BARD1: variants seen among roughly 807,000 people sequenced by gnomAD.
BARD1 encodes BRCA1-associated RING domain protein 1.
In BARD1, 73 loss-of-function variants were observed where a neutral mutation model predicts 77.0. The ratio of observed to expected loss-of-function variants is 0.95; its 90% confidence interval spans 0.79 to 1.15. The LOEUF (loss-of-function observed/expected upper bound fraction) is 1.15, where lower values mean the gene tolerates loss of function less well. Among genes scored for constraint, BARD1 ranks in the 50% most tolerant of loss-of-function variants. BARD1 has a pLI of 0.00. For synonymous variants in BARD1, 384 were observed against 338.0 expected, an observed-to-expected ratio of 1.14 and a Z score of -1.49; for missense variants, 993 against 938.8, an observed-to-expected ratio of 1.06 and a Z score of -0.75.
intron 10 of BARD1, chr2:214,730,140 A>C: frequency 2.1e-6 from 1 of 466,998 alleles, no homozygotes; most frequent in South Asian, 2.2e-5. Context: ...TCTTCTTTCA[A>C]GCTACTTCCT....
Position 214,808,700 on chromosome 2 carries a change from CAAGAAGT to C in BARD1, c.158+705_158+711del, listed in dbSNP as rs546213564. Among the ~76,000 whole-genome samples, 154 of 151,652 alleles carry C rather than the reference CAAGAAGT, an allele frequency of 1.0e-3. 1 individual carries two copies. The highest frequency in any genetic ancestry group is 6.9e-3 in the Middle Eastern group (2 of 290). ...CTAGAAAGAGCTACACGAAAAAAAG[CAAGAAGT>C]AACACTCATGAAAATGTCTTTGGAC... is the stretch of plus-strand genomic sequence containing the variant. On this transcript the variant is annotated intron_variant, in intron 1 of 10. Transcript: ENST00000260947.
At chr2:214,774,088 G>C (rs1488678085) in intron 4 of BARD1, among the ~76,000 whole-genome samples, 2 of 152,194 alleles carry the variant, frequency 1.3e-5, no homozygotes, top group Non-Finnish European at 2.9e-5. Context: ...TCATGAGGCT[G>C]CAGCAATTCA....
At chr2:214,799,204 G>A (rs1005389278) in intron 1 of BARD1, among the ~76,000 whole-genome samples, 6 of 152,174 alleles carry the variant, frequency 3.9e-5, no homozygotes, top group Admixed American at 1.3e-4. Flanking sequence ...GGGAGGCTGA[G>A]GCACAAGAAT....
chr2:214,752,333 A>G (rs925897778), intron 7 of BARD1, 114 bp downstream of exon 7: 4 of 830,780 alleles, frequency 4.8e-6, no homozygotes, highest in African/African-American at 3.4e-5. Flanking sequence ...GAAGTGCTCA[A>G]TAATTGTTTG....
intron 7 of BARD1, among the ~76,000 whole-genome samples, chr2:214,747,477 C>A (rs1400241578): frequency 1.3e-5 from 2 of 150,502 alleles, no homozygotes; most frequent in Admixed American, 6.6e-5. Flanking sequence ...CAACGATAGA[C>A]TGGATTAAGA....
At chr2:214,748,351 G>A (rs1451979159) in intron 7 of BARD1, among the ~76,000 whole-genome samples, 1 of 152,070 alleles carries the variant, frequency 6.6e-6, no homozygotes, top group Non-Finnish European at 1.5e-5. Context: ...TCTGACCCAT[G>A]AGGCTCAAAA....
chr2:214,794,816 A>G (rs1178895617), intron 2 of BARD1, among the ~76,000 whole-genome samples: 1 of 152,250 alleles, frequency 6.6e-6, no homozygotes, highest in Non-Finnish European at 1.5e-5. Context: ...GAATAAAAAC[A>G]GCTACCATAA....
At chr2:214,795,858 T>C (rs1207623959) in intron 2 of BARD1, among the ~76,000 whole-genome samples, 1 of 152,152 alleles carries the variant, frequency 6.6e-6, no homozygotes, top group Non-Finnish European at 1.5e-5. Flanking sequence ...ATGCCTTTTC[T>C]TTCATCATCC....
At chr2:214,773,002 A>G (rs1430687722) in intron 4 of BARD1, among the ~76,000 whole-genome samples, 1 of 152,178 alleles carries the variant, frequency 6.6e-6, no homozygotes, top group Non-Finnish European at 1.5e-5. Context: ...AAGGCTTATT[A>G]AAAATTTTAA....
At chr2:214,787,738 A>G (rs1198860109) in intron 3 of BARD1, among the ~76,000 whole-genome samples, 7 of 152,114 alleles carry the variant, frequency 4.6e-5, no homozygotes, top group African/African-American at 1.7e-4. Context: ...TGCTTGGCCA[A>G]GTTTTTTCTT....
intron 1 of BARD1, among the ~76,000 whole-genome samples, chr2:214,807,465 C>T (rs1009153604): frequency 1.3e-5 from 2 of 152,160 alleles, no homozygotes; most frequent in Non-Finnish European, 2.9e-5. Context: ...AGCAAGCAAA[C>T]ACCACATTCT....
At chr2:214,747,851 TATAATA>T (rs886553362) in intron 7 of BARD1, among the ~76,000 whole-genome samples, 13 of 150,422 alleles carry the variant, frequency 8.6e-5, no homozygotes, top group Admixed American at 7.9e-4. Context: ...AAACTTAAAG[TATAATA>T]ATAATAAAAT....
chr2:214,771,943 A>AAAAAAAG (rs59814038), intron 4 of BARD1, among the ~76,000 whole-genome samples: 1,726 of 143,164 alleles, frequency 0.012, 26 homozygotes, highest in Admixed American at 0.043. Context: ...AAAAAAAAAA[A>AAAAAAAG]GCAACATTTT....
intron 6 of BARD1, among the ~76,000 whole-genome samples, chr2:214,757,862 A>G (rs1466004366): frequency 6.6e-6 from 1 of 152,158 alleles, no homozygotes; most frequent in African/African-American, 2.4e-5. Context: ...ACAGAATAAG[A>G]ATATCCTAGC....
At chr2:214,790,736 C>T (rs1220012935) in intron 3 of BARD1, among the ~76,000 whole-genome samples, 1 of 152,130 alleles carries the variant, frequency 6.6e-6, no homozygotes, top group African/African-American at 2.4e-5. Context: ...AATTTCAGTG[C>T]AAAGCCAATA....
intron 10 of BARD1, among the ~76,000 whole-genome samples, chr2:214,729,281 C>T (rs1692245125): frequency 6.6e-6 from 1 of 152,174 alleles, no homozygotes; most frequent in African/African-American, 2.4e-5. Context: ...ACAATATCTT[C>T]AGTAATTTTG....
At chr2:214,783,046 T>G (rs1474144043) in intron 3 of BARD1, among the ~76,000 whole-genome samples, 9 of 152,172 alleles carry the variant, frequency 5.9e-5, no homozygotes, top group Non-Finnish European at 4.4e-5. Flanking sequence ...TCCTCCATAT[T>G]ATCAGGGGAC....
chr2:214,806,593 A>G (rs6720708), intron 1 of BARD1, among the ~76,000 whole-genome samples: 114,603 of 152,060 alleles, frequency 0.75, 43,261 homozygotes, highest in East Asian at 0.85. Context: ...CCATGTAAAG[A>G]CCAGGCATGG....
chr2:214,807,093 T>C (rs1163562007), intron 1 of BARD1, among the ~76,000 whole-genome samples: 1 of 152,084 alleles, frequency 6.6e-6, no homozygotes, highest in East Asian at 1.9e-4. Flanking sequence ...ACAAAAACTA[T>C]TTGCGGGCAG....
Sources: gnomAD v4.1 joint callset for allele counts (sites outside exome capture counted in the v4.1 genomes callset) on GRCh38, gnomAD v4.1.1 for gene constraint, MANE v1.5 for transcripts, NCBI Gene and HGNC (gene_info 2026-07-23, HGNC 2026-07-21) for gene names.